The following SHANK2 variants were observed in gnomAD, a reference collection of about 807,000 sequenced individuals.
The protein encoded by SHANK2 is SH3 and multiple ankyrin repeat domains 2.
SHANK2 carries 43 observed loss-of-function variants against 133.7 expected under a neutral mutation model. The observed-to-expected ratio is 0.32, with a 90% confidence interval of 0.25 to 0.41. The LOEUF is 0.41. Ranked by LOEUF, SHANK2 falls within the 10% of genes least tolerant of loss-of-function variation. SHANK2 has a pLI of 1.00. For synonymous variants in SHANK2, 1,017 were observed against 952.8 expected (o/e 1.07, Z -1.24); for missense variants, 1,994 against 2,235.8 (o/e 0.89, Z 2.18).
At position 70,721,722 on chromosome 11, in the gene SHANK2, T is replaced by C. The variant is rs574725295; in HGVS notation, c.1778-22959A>G. On this transcript the variant is annotated intron_variant, in intron 14 of 25. Transcript: ENST00000601538. Reference sequence around the variant, plus strand: ...TGGGACCGTCAGCAGCCAGTTACCCTGCATGCAGGACTTCCAAAGGTCCCA... The same window carrying C: ...TGGGACCGTCAGCAGCCAGTTACCCCGCATGCAGGACTTCCAAAGGTCCCA... 3.9e-5 allele frequency among the ~76,000 whole-genome samples: 6 copies of C among 152,322 alleles called. No individual in the cohort carries two copies. In the East Asian group the frequency reaches 9.6e-4, roughly 24 times the overall value.
intron 11 of SHANK2, among the ~76,000 whole-genome samples, chr11:70,839,079 C>A (rs1555060857): frequency 6.6e-6 from 1 of 152,184 alleles, no homozygotes; most frequent in African/African-American, 2.4e-5. Flanking sequence ...CTGACATGAG[C>A]TGCTCCATCA....
chr11:70,674,463 C>T (rs193271109), intron 15 of SHANK2, among the ~76,000 whole-genome samples: 1 of 152,136 alleles, frequency 6.6e-6, no homozygotes, highest in African/African-American at 2.4e-5. Flanking sequence ...ATTCTCTGAC[C>T]TCAGCCTCCC....
chr11:70,923,839 C>T lies in SHANK2; in HGVS notation c.1108-27272G>A, dbSNP rs564337425. On this transcript the variant is annotated intron_variant, in intron 10 of 25. Coordinates refer to ENST00000601538, the MANE Select transcript of SHANK2 (RefSeq NM_012309.5). ...AGGCGCTGGGATGACAGGCATGAGC[C>T]GCCACACCTGGCCAAGCATCAATGT... 4.3e-4 allele frequency among the ~76,000 whole-genome samples: 65 copies of T among 152,286 alleles called. 1 individual carries two copies. Among genetic ancestry groups the T allele is most frequent in the Admixed American group, 2.5e-3 (38 of 15,302 alleles).
chr11:71,183,086 C>A (rs1272054814), intron 2 of SHANK2, among the ~76,000 whole-genome samples: 1 of 152,064 alleles, frequency 6.6e-6, no homozygotes, highest in East Asian at 1.9e-4. Flanking sequence ...ATCTCAAAGC[C>A]TTCAAGGCTC....
At position 70,719,994 on chromosome 11, in the gene SHANK2, G is replaced by A. The variant is rs1389316674; in HGVS notation, c.1778-21231C>T. ...GCAAAAGGGTTGGTCCCTTCCCAGT[G>A]GGTGACCCCAGGCAGGTTCCTCAAC... is the stretch of plus-strand genomic sequence containing the variant. On this transcript the variant is annotated intron_variant, in intron 14 of 25. Transcript: ENST00000601538. Among the ~76,000 whole-genome samples the A allele has an allele frequency of 3.3e-5, 5 of 152,116 alleles. No homozygotes were observed. In the East Asian group the frequency reaches 9.7e-4, roughly 29 times the overall value.
intron 17 of SHANK2, among the ~76,000 whole-genome samples, chr11:70,648,425 A>C (rs1565212201): frequency 6.6e-6 from 1 of 152,244 alleles, no homozygotes; most frequent in Non-Finnish European, 1.5e-5. Context: ...TTATGCGGAC[A>C]CTGTCTCCTG....
At chr11:70,660,767 G>C (rs1225713123) in intron 16 of SHANK2, among the ~76,000 whole-genome samples, 1 of 152,182 alleles carries the variant, frequency 6.6e-6, no homozygotes, top group Non-Finnish European at 1.5e-5. Flanking sequence ...TGGACAGCTC[G>C]CTATGGAGCT....
At chr11:70,929,891 C>A (rs1279487548) in intron 10 of SHANK2, among the ~76,000 whole-genome samples, 1 of 152,118 alleles carries the variant, frequency 6.6e-6, no homozygotes, top group African/African-American at 2.4e-5. Context: ...GTGCCACAGA[C>A]CGTCACTGAA....
rs192468964 is a variant in SHANK2 at position 70,830,061 on chromosome 11, G to A, written c.1175-9379C>T. Among the ~76,000 whole-genome samples, 148 of 152,288 alleles carry A rather than the reference G, an allele frequency of 9.7e-4. 1 individual carries two copies. Among genetic ancestry groups the A allele is most frequent in the Non-Finnish European group, 1.7e-3 (117 of 68,020 alleles). ...CACCCACCACTTGCCCCCTTCCCTG[G>A]TGGGTGCAGACCACTTCCTCATTTG... On this transcript the variant is annotated intron_variant, in intron 11 of 25. Coordinates refer to ENST00000601538, the MANE Select transcript of SHANK2 (RefSeq NM_012309.5). The surrounding 1 kb of genome is among the most constrained non-coding windows in gnomAD (Gnocchi z 4.4).
At chr11:70,934,585 T>C (rs1950546462) in intron 10 of SHANK2, among the ~76,000 whole-genome samples, 1 of 152,242 alleles carries the variant, frequency 6.6e-6, no homozygotes, top group Non-Finnish European at 1.5e-5. Flanking sequence ...TAGCCTCTCC[T>C]GGCATTCTTT....
At chr11:70,683,887 G>A (rs1256457964) in intron 15 of SHANK2, among the ~76,000 whole-genome samples, 3 of 151,744 alleles carry the variant, frequency 2.0e-5, no homozygotes, top group Admixed American at 2.0e-4. Context: ...GGGTTCAAAC[G>A]ATTCTCGTGC....
At chr11:70,547,213 A>G (rs11236600) in intron 17 of SHANK2, among the ~76,000 whole-genome samples, 26,900 of 152,074 alleles carry the variant, frequency 0.18, 2,748 homozygotes, top group East Asian at 0.39. Context: ...TCCCTATTCA[A>G]TATTCTGCTA....
chr11:71,107,701 A>C (rs1951821966), intron 6 of SHANK2, among the ~76,000 whole-genome samples: 1 of 152,212 alleles, frequency 6.6e-6, no homozygotes, highest in South Asian at 2.1e-4. Context: ...CAGGACCCAG[A>C]GAAATCGCTG....
chr11:70,881,627 C>T (rs1315997440), intron 11 of SHANK2, among the ~76,000 whole-genome samples: 1 of 150,578 alleles, frequency 6.6e-6, no homozygotes, highest in Admixed American at 6.7e-5. Flanking sequence ...TTGGATTGTC[C>T]TCTTCTGGGT....
At chr11:71,158,078 G>A (rs183025804) in intron 2 of SHANK2, among the ~76,000 whole-genome samples, 2 of 152,312 alleles carry the variant, frequency 1.3e-5, no homozygotes, top group Non-Finnish European at 2.9e-5. Flanking sequence ...CTCGAACAGA[G>A]CACCTACTCA....
chr11:70,653,404 C>G (rs1417367878), intron 17 of SHANK2, among the ~76,000 whole-genome samples: 1 of 152,010 alleles, frequency 6.6e-6, no homozygotes, highest in African/African-American at 2.4e-5. Flanking sequence ...GAGGCCACCT[C>G]ACATTTCTCA....
intron 11 of SHANK2, among the ~76,000 whole-genome samples, chr11:70,866,518 T>C (rs2135523754): frequency 6.6e-6 from 1 of 152,274 alleles, no homozygotes; most frequent in African/African-American, 2.4e-5. Flanking sequence ...TTCTTTTGTG[T>C]TGATGTTCCG....
chr11:70,705,013 T>C (rs1430142227), intron 14 of SHANK2, among the ~76,000 whole-genome samples: 1 of 152,242 alleles, frequency 6.6e-6, no homozygotes, highest in African/African-American at 2.4e-5. Flanking sequence ...TCCTTGGGCA[T>C]GGCCACCAAA....
At chr11:71,172,466 C>T (rs966311497) in intron 2 of SHANK2, among the ~76,000 whole-genome samples, 17 of 151,718 alleles carry the variant, frequency 1.1e-4, no homozygotes, top group African/African-American at 3.9e-4. Context: ...GGCATGGTGG[C>T]GGGCACCTGT....
Sources: gnomAD v4.1 joint callset for allele counts (sites outside exome capture counted in the v4.1 genomes callset) on GRCh38, gnomAD v4.1.1 for gene constraint, Gnocchi (gnomAD v3.1) non-coding constraint, MANE v1.5 for transcripts, NCBI Gene and HGNC (gene_info 2026-07-23, HGNC 2026-07-21) for gene names.